Variants in GABRG3 observed in about 807,000 individuals in gnomAD.
GABRG3 encodes gamma-aminobutyric acid receptor subunit gamma-3.
GABRG3 carries 25 observed loss-of-function variants against 48.8 expected under a neutral mutation model. That is an observed-to-expected ratio of 0.51 (90% CI 0.37 to 0.72). The LOEUF is 0.72. Ranked by LOEUF, GABRG3 falls within the 30% of genes least tolerant of loss-of-function variation. The pLI is 0.00. For missense variants in GABRG3, 394 were observed against 577.9 expected (o/e 0.68, Z 3.26); for synonymous variants, 227 against 217.6 (o/e 1.04, Z -0.38).
chr15:27,519,871 T>C, intron 6 of GABRG3, 101 bp from the exon 7 acceptor site: 1 of 847,456 alleles, frequency 1.2e-6, no homozygotes, highest in Admixed American at 3.2e-5. Context: ...TTGTGCATTT[T>C]TATCCAAGTC....
chr15:27,419,728 C>T (rs191033720), intron 5 of GABRG3, among the ~76,000 whole-genome samples: 2 of 152,250 alleles, frequency 1.3e-5, no homozygotes, highest in Admixed American at 1.3e-4. Context: ...AGATGGTTAG[C>T]AGGTAGTCAG....
At chr15:27,004,983 G>A (rs982841329) in intron 2 of GABRG3, among the ~76,000 whole-genome samples, 9 of 152,102 alleles carry the variant, frequency 5.9e-5, no homozygotes, top group African/African-American at 9.7e-5. Context: ...GGGCCTCAGC[G>A]GGGTGACTGG....
chr15:26,992,011 G>A (rs564527629), intron 2 of GABRG3, among the ~76,000 whole-genome samples: 75 of 152,188 alleles, frequency 4.9e-4, no homozygotes, highest in African/African-American at 1.4e-3. Context: ...GAGCCACTGC[G>A]CCCAGCCTAA....
intron 3 of GABRG3, among the ~76,000 whole-genome samples, chr15:27,276,200 T>C (rs913940720): frequency 3.9e-5 from 6 of 152,168 alleles, no homozygotes; most frequent in Non-Finnish European, 5.9e-5. Flanking sequence ...GGCCTTCCCT[T>C]GAGGAAGCTG....
At chr15:27,061,806 A>G (rs1896651113) in intron 3 of GABRG3, among the ~76,000 whole-genome samples, 1 of 152,136 alleles carries the variant, frequency 6.6e-6, no homozygotes, top group African/African-American at 2.4e-5. Flanking sequence ...TGGATTTTAA[A>G]GGGTATCCGG....
intron 3 of GABRG3, among the ~76,000 whole-genome samples, chr15:27,322,619 A>C (rs945664028): frequency 6.6e-6 from 1 of 152,206 alleles, no homozygotes; most frequent in Non-Finnish European, 1.5e-5. Context: ...GGGTCGTTAC[A>C]TTTAATCCAA....
chr15:27,277,761 T>C (rs1443527095), intron 3 of GABRG3, among the ~76,000 whole-genome samples: 3 of 152,190 alleles, frequency 2.0e-5, no homozygotes, highest in African/African-American at 7.2e-5. Context: ...TGCAATTAAA[T>C]CTGCTACTGT....
chr15:27,139,348 A>C (rs1898064124), intron 3 of GABRG3, among the ~76,000 whole-genome samples: 1 of 152,172 alleles, frequency 6.6e-6, no homozygotes, highest in African/African-American at 2.4e-5. Context: ...CTGTAAGAAA[A>C]GGAGCTTCAG....
chr15:27,094,726 A>G (rs1897244432), intron 3 of GABRG3, among the ~76,000 whole-genome samples: 1 of 152,202 alleles, frequency 6.6e-6, no homozygotes, highest in Admixed American at 6.5e-5. Context: ...ATAAACTAGA[A>G]GCAGCACTTT....
chr15:27,503,721 T>C (rs1396097053), intron 6 of GABRG3, among the ~76,000 whole-genome samples: 3 of 152,198 alleles, frequency 2.0e-5, no homozygotes, highest in African/African-American at 7.2e-5. Context: ...TCTTTTGTGT[T>C]CTCACTTATT....
In GABRG3 at chr15:27,352,424, C is replaced by T. The variant is rs986380395; in HGVS notation, c.574+23536C>T. 6.6e-6 allele frequency among the ~76,000 whole-genome samples: 1 copy of T among 151,926 alleles called. No individual in the cohort carries two copies. The highest frequency in any genetic ancestry group is 1.9e-4 in the East Asian group (1 of 5,156). ...CTTAGAAAAATAACCCAGGAAATCC[C>T]ACAAGATGTAAATCCAGGGTGAGCC... is the stretch of plus-strand genomic sequence containing the variant. On this transcript the variant is annotated intron_variant, in intron 5 of 9. Coordinates refer to ENST00000615808, the MANE Select transcript of GABRG3 (RefSeq NM_033223.5). The surrounding 1 kb of genome is among the most constrained non-coding windows in gnomAD (Gnocchi z 4.0).
intron 3 of GABRG3, among the ~76,000 whole-genome samples, chr15:27,167,470 T>G (rs1887417207): frequency 6.6e-6 from 1 of 152,200 alleles, no homozygotes; most frequent in African/African-American, 2.4e-5. Context: ...GCTCACTGTC[T>G]GCTTCAGCAC....
Position 27,309,232 on chromosome 15 carries a change from ATATATT to A in GABRG3, c.271-17571_271-17566del, listed in dbSNP as rs557440257. ...GTTTGTATAGAAACATAATGTAAAC[ATATATT>A]TATATATAAACACACATATACACGT... On this transcript the variant is annotated intron_variant, in intron 3 of 9. Transcript: ENST00000615808. 2.3e-3 allele frequency among the ~76,000 whole-genome samples: 352 copies of A among 151,600 alleles called. 1 individual carries two copies. Among genetic ancestry groups the A allele is most frequent in the African/African-American group, 7.8e-3 (324 of 41,378 alleles).
intron 9 of GABRG3, among the ~76,000 whole-genome samples, chr15:27,528,605 G>T (rs960389371): frequency 3.9e-5 from 6 of 152,154 alleles, no homozygotes; most frequent in Non-Finnish European, 8.8e-5. Context: ...CATCAGCAAT[G>T]CCAGACACCT....
At chr15:27,276,054 C>G (rs1040692513) in intron 3 of GABRG3, among the ~76,000 whole-genome samples, 1 of 152,174 alleles carries the variant, frequency 6.6e-6, no homozygotes, top group Non-Finnish European at 1.5e-5. Context: ...TAAGAACCCG[C>G]AAATGAGAAC....
chr15:27,307,907 A>T (rs1348470040), intron 3 of GABRG3, among the ~76,000 whole-genome samples: 1 of 88,606 alleles, frequency 1.1e-5, no homozygotes, highest in Admixed American at 1.1e-4. Context: ...TATAAAATAA[A>T]CATGTTTATA....
At chr15:27,527,002 G>C (rs1891293589) in intron 7 of GABRG3, among the ~76,000 whole-genome samples, 1 of 152,216 alleles carries the variant, frequency 6.6e-6, no homozygotes, top group African/African-American at 2.4e-5. Context: ...TGGAAGGCAA[G>C]AGTGGTGCTG....
In GABRG3 at chr15:27,034,900, T is replaced by C. The variant is rs541443367; in HGVS notation, c.270+8079T>C. Among the ~76,000 whole-genome samples, 5 of 152,342 alleles carry C rather than the reference T, an allele frequency of 3.3e-5. No individual in the cohort carries two copies. The South Asian group carries it at 1.0e-3, about 32-fold the overall frequency. On this transcript the variant is annotated intron_variant, in intron 3 of 9. Transcript: ENST00000615808. ...GTCTTCAGTTCACAATTTCCTTAGT[T>C]AATAGGCTTCTTTTGCTCCAGTAGT... is the stretch of plus-strand genomic sequence containing the variant.
chr15:27,047,606 T>C (rs12439106), intron 3 of GABRG3, among the ~76,000 whole-genome samples: 12,961 of 152,310 alleles, frequency 0.085, 662 homozygotes, highest in East Asian at 0.14. Flanking sequence ...GAGAAATATT[T>C]GGCAATGCAC....
Sources: allele counts gnomAD v4.1 joint callset (sites outside exome capture counted in the v4.1 genomes callset), GRCh38; gene constraint gnomAD v4.1.1; non-coding constraint Gnocchi (gnomAD v3.1); transcripts MANE v1.5; gene names NCBI Gene and HGNC (gene_info 2026-07-23, HGNC 2026-07-21).